The following PPP4R4 variants were observed in gnomAD, a reference collection of about 807,000 sequenced individuals.
The protein encoded by PPP4R4 is protein phosphatase 4 regulatory subunit 4, also known as serine/threonine-protein phosphatase 4 regulatory subunit 4.
A neutral mutation model predicts 121.8 loss-of-function variants in PPP4R4; 70 were observed. The observed-to-expected ratio is 0.57, with a 90% CI of 0.47 to 0.70. The LOEUF is 0.70. PPP4R4 is among the 30% of genes least tolerant of loss of function. PPP4R4 has a pLI of 0.00. For synonymous variants in PPP4R4, 348 were observed against 355.7 expected (o/e 0.98, Z 0.24); for missense variants, 875 against 1,033.6 (o/e 0.85, Z 2.10).
intron 19 of PPP4R4, among the ~76,000 whole-genome samples, chr14:94,261,743 C>T (rs1422387549): frequency 1.3e-5 from 2 of 151,954 alleles, no homozygotes; most frequent in African/African-American, 2.4e-5. Context: ...TTACCTCTTA[C>T]TCCTAGTTTG....
chr14:94,180,107 C>G (rs901406768), intron 2 of PPP4R4, among the ~76,000 whole-genome samples: 2 of 152,130 alleles, frequency 1.3e-5, no homozygotes, highest in Admixed American at 6.5e-5. Flanking sequence ...GTTGAAGCAC[C>G]TGGCACATAA....
chr14:94,257,011 G>A (rs1893510690), intron 17 of PPP4R4, among the ~76,000 whole-genome samples: 1 of 152,186 alleles, frequency 6.6e-6, no homozygotes, highest in Admixed American at 6.5e-5. Flanking sequence ...TAATTCAGGG[G>A]TCTGTTTGAC....
intron 12 of PPP4R4, among the ~76,000 whole-genome samples, chr14:94,245,202 C>T (rs1286947552): frequency 6.6e-6 from 1 of 152,092 alleles, no homozygotes; most frequent in East Asian, 1.9e-4. Context: ...TTCCTTTCAC[C>T]TAAATGACTG....
At chr14:94,235,716 A>G (rs955603078) in intron 7 of PPP4R4, among the ~76,000 whole-genome samples, 9 of 151,848 alleles carry the variant, frequency 5.9e-5, no homozygotes, top group East Asian at 1.9e-4. Context: ...CCCTTGTTCT[A>G]TGGGTGCCTG....
At chr14:94,217,335 G>A (rs1346034351) in intron 3 of PPP4R4, among the ~76,000 whole-genome samples, 1 of 152,136 alleles carries the variant, frequency 6.6e-6, no homozygotes, top group African/African-American at 2.4e-5. Context: ...GATTGCCATA[G>A]CAACAAAAAG....
intron 3 of PPP4R4, among the ~76,000 whole-genome samples, chr14:94,209,603 ATC>A (rs1241899025): frequency 6.6e-6 from 1 of 152,032 alleles, no homozygotes; most frequent in Non-Finnish European, 1.5e-5. Flanking sequence ...GCTTTTTTAT[ATC>A]TGTTTTTCCC....
At chr14:94,216,496 A>C (rs1206354930) in intron 3 of PPP4R4, among the ~76,000 whole-genome samples, 1 of 152,248 alleles carries the variant, frequency 6.6e-6, no homozygotes, top group Non-Finnish European at 1.5e-5. Flanking sequence ...TTAGACACAG[A>C]GGAGCTTTGC....
chr14:94,249,671 A>AT (rs1476437561), intron 14 of PPP4R4, among the ~76,000 whole-genome samples: 1 of 152,062 alleles, frequency 6.6e-6, no homozygotes, highest in African/African-American at 2.4e-5. Flanking sequence ...AATGATTGAC[A>AT]TGGTGTCCTT....
At chr14:94,184,267 CT>C (rs897997991) in intron 2 of PPP4R4, among the ~76,000 whole-genome samples, 8 of 148,594 alleles carry the variant, frequency 5.4e-5, no homozygotes, top group East Asian at 2.0e-4. Flanking sequence ...TCATAGCTTT[CT>C]TTTTTTTTTG....
intron 2 of PPP4R4, among the ~76,000 whole-genome samples, chr14:94,204,000 C>A (rs1384358117): frequency 6.6e-6 from 1 of 152,064 alleles, no homozygotes; most frequent in Non-Finnish European, 1.5e-5. Context: ...TCTTTTCATC[C>A]TTTTACAGGG....
intron 3 of PPP4R4, among the ~76,000 whole-genome samples, chr14:94,218,956 A>G (rs752815936): frequency 1.3e-5 from 2 of 152,174 alleles, no homozygotes; most frequent in Non-Finnish European, 2.9e-5. Flanking sequence ...ACCCAGTTAA[A>G]ATACCTTTCC....
In PPP4R4 at chr14:94,263,688, A is replaced by G. The variant is rs372349322; in HGVS notation, c.2128-1190A>G. Among the ~76,000 whole-genome samples, 152 of 152,326 alleles carry G rather than the reference A, an allele frequency of 1.0e-3. 2 individuals are homozygous for G. The highest frequency in any genetic ancestry group is 3.5e-3 in the African/African-American group (146 of 41,584). On this transcript the variant is annotated intron_variant, in intron 19 of 24. Transcript: ENST00000304338. The stretch of plus-strand genomic sequence containing the variant: ...AATCCTGATACTGGAATTAGTAGAC[A>G]AGGACTTCAAGATAACTGTGATTAA...
chr14:94,188,336 G>A (rs1255252226), intron 2 of PPP4R4, among the ~76,000 whole-genome samples: 1 of 151,902 alleles, frequency 6.6e-6, no homozygotes, highest in East Asian at 1.9e-4. Flanking sequence ...GACTCTATTT[G>A]CTAATATTTT....
chr14:94,245,954 A>G (rs1378253689), intron 13 of PPP4R4, among the ~76,000 whole-genome samples: 1 of 152,160 alleles, frequency 6.6e-6, no homozygotes, highest in African/African-American at 2.4e-5. Context: ...AGAATAGCAA[A>G]TAGGACAAAA....
At chr14:94,275,926 G>T (rs12436431) in intron 24 of PPP4R4, among the ~76,000 whole-genome samples, 15,339 of 152,184 alleles carry the variant, frequency 0.1, 849 homozygotes, top group Middle Eastern at 0.16. Context: ...GTGGCAGCAT[G>T]GAACCCAGAA....
At chr14:94,269,478 ATCCTGGCTAAC>A (rs1894209499) in intron 23 of PPP4R4, among the ~76,000 whole-genome samples, 1 of 152,088 alleles carries the variant, frequency 6.6e-6, no homozygotes, top group African/African-American at 2.4e-5. Flanking sequence ...GATCCGGATA[ATCCTGGCTAAC>A]ACAGTGAAAC....
At chr14:94,243,350 G>T (rs1451426823) in intron 11 of PPP4R4, among the ~76,000 whole-genome samples, 4 of 152,074 alleles carry the variant, frequency 2.6e-5, no homozygotes, top group Non-Finnish European at 5.9e-5. Context: ...TTTCGGAGGA[G>T]CGGGGATAGG....
chr14:94,206,513 C>CT (rs1006169058), intron 2 of PPP4R4, among the ~76,000 whole-genome samples: 5 of 151,658 alleles, frequency 3.3e-5, no homozygotes, highest in African/African-American at 9.7e-5. Context: ...TTTATTTGTT[C>CT]TTTTTTTGCT....
At chr14:94,245,945 G>A (rs867216462) in intron 13 of PPP4R4, among the ~76,000 whole-genome samples, 6 of 152,038 alleles carry the variant, frequency 3.9e-5, no homozygotes, top group Non-Finnish European at 8.8e-5. Flanking sequence ...ATTATTCCAA[G>A]AATAGCAAAT....
Sources: gnomAD v4.1 joint callset for allele counts (sites outside exome capture counted in the v4.1 genomes callset) on GRCh38, gnomAD v4.1.1 for gene constraint, MANE v1.5 for transcripts, NCBI Gene and HGNC (gene_info 2026-07-23, HGNC 2026-07-21) for gene names.